Variants in DLG2 observed in about 807,000 individuals in gnomAD.
The protein encoded by DLG2 is discs large MAGUK scaffold protein 2, also known as disks large homolog 2.
A neutral mutation model predicts 132.5 loss-of-function variants in DLG2; 45 were observed. That is an observed-to-expected ratio of 0.34 (90% confidence interval 0.27 to 0.44). The LOEUF (loss-of-function observed/expected upper bound fraction) is 0.44. DLG2 is among the 20% of genes least tolerant of loss of function. The pLI is 1.00. For synonymous variants in DLG2, 424 were observed against 419.6 expected, an observed-to-expected ratio of 1.01 and a Z score of -0.13; for missense variants, 1,045 against 1,196.9, an observed-to-expected ratio of 0.87 and a Z score of 1.87.
chr11:84,587,897 A>G (rs1018362651), intron 6 of DLG2, among the ~76,000 whole-genome samples: 2 of 152,174 alleles, frequency 1.3e-5, no homozygotes, highest in East Asian at 3.8e-4. Flanking sequence ...CCACTACTTC[A>G]TGCCTCCTTA....
chr11:83,763,982 C>G (rs1198103279), intron 18 of DLG2, among the ~76,000 whole-genome samples: 1 of 152,154 alleles, frequency 6.6e-6, no homozygotes, highest in East Asian at 1.9e-4. Context: ...TAGACCAGTT[C>G]AAGATATTTC....
intron 18 of DLG2, among the ~76,000 whole-genome samples, chr11:83,654,648 GAAGGAT>G (rs1447071471): frequency 1.2e-4 from 18 of 152,310 alleles, no homozygotes; most frequent in Non-Finnish European, 1.5e-5. Flanking sequence ...ACACACTCTA[GAAGGAT>G]AGGAGACACA....
intron 6 of DLG2, among the ~76,000 whole-genome samples, chr11:84,637,017 A>G (rs2099641739): frequency 6.6e-6 from 1 of 151,562 alleles, no homozygotes; most frequent in South Asian, 2.1e-4. Flanking sequence ...TGAACTCCTG[A>G]CCTCAGATGA....
intron 4 of DLG2, among the ~76,000 whole-genome samples, chr11:85,215,486 G>T (rs756642727): frequency 1.3e-5 from 2 of 152,100 alleles, no homozygotes; most frequent in Non-Finnish European, 2.9e-5. Context: ...TGAGCTGAAA[G>T]CAATTGAGAA....
At chr11:84,696,443 T>C (rs1255854656) in intron 6 of DLG2, among the ~76,000 whole-genome samples, 1 of 151,532 alleles carries the variant, frequency 6.6e-6, no homozygotes, top group African/African-American at 2.4e-5. Context: ...CTCCAGAATG[T>C]AGTTTCTTGA....
At chr11:85,103,763 T>G (rs1227769324) in intron 6 of DLG2, among the ~76,000 whole-genome samples, 1 of 151,802 alleles carries the variant, frequency 6.6e-6, no homozygotes, top group East Asian at 1.9e-4. Flanking sequence ...TCAAATGCCA[T>G]TACCAAAAAG....
chr11:85,468,463 C>T (rs2092876514), intron 3 of DLG2, among the ~76,000 whole-genome samples: 1 of 152,134 alleles, frequency 6.6e-6, no homozygotes, highest in South Asian at 2.1e-4. Context: ...CTATAGATTT[C>T]CCTCTACACA....
intron 6 of DLG2, among the ~76,000 whole-genome samples, chr11:84,595,566 G>C (rs953698729): frequency 6.6e-6 from 1 of 151,948 alleles, no homozygotes; most frequent in African/African-American, 2.4e-5. Context: ...CAGTGGGAGA[G>C]TCTACAGACA....
intron 6 of DLG2, among the ~76,000 whole-genome samples, chr11:84,945,294 T>C (rs2050055753): frequency 1.3e-5 from 2 of 152,208 alleles, no homozygotes; most frequent in African/African-American, 4.8e-5. Flanking sequence ...CCAAGAACGC[T>C]GTGAGTCTTG....
rs75187306 is a variant in DLG2, at chr11:85,282,201, G to T, written c.186+3019C>A. Among the ~76,000 whole-genome samples the T allele has an allele frequency of 5.8e-4, 88 of 152,032 alleles. No homozygotes were observed. The East Asian group carries it at 0.017, about 29-fold the overall frequency. On this transcript the variant is annotated intron_variant, in intron 4 of 27. Transcript: ENST00000376104. ...GGAAAGTTGAATGATGGGTACAAGGGTCTGTGAAGGTAATGGGCAGGGGAG... is the reference window on the plus strand; with the variant it reads ...GGAAAGTTGAATGATGGGTACAAGGTTCTGTGAAGGTAATGGGCAGGGGAG...
rs59038372 is a variant in DLG2 at position 84,373,265 on chromosome 11, C to CA, written c.520-121975dup. The stretch of plus-strand genomic sequence containing the variant: ...AGAAACAGTCAAAAAAAAAAAAAAA[C>CA]AAAACAAAAAAAAAACCCACCAGGC... On this transcript the variant is annotated intron_variant, in intron 7 of 27. Coordinates refer to ENST00000376104, the MANE Select transcript of DLG2 (RefSeq NM_001142699.3). Among the ~76,000 whole-genome samples the CA allele has an allele frequency of 7.6e-3, 743 of 98,030 alleles. 35 individuals are homozygous for CA. The highest frequency in any genetic ancestry group is 0.027 in the African/African-American group (601 of 21,936). The allele number at this position is 98,030 out of a possible 152,430, so 64.3% of individuals were successfully genotyped here. A position where few individuals can be genotyped will look rare whatever the true frequency, so the allele number is the denominator to read the frequency against.
At position 83,456,136 on chromosome 11, in the gene DLG2, T is replaced by A. The variant is rs1403823830; in HGVS notation, c.*3682A>T. On this transcript the variant is annotated 3_prime_UTR_variant, in exon 28 of 28. Transcript: ENST00000376104. The stretch of plus-strand genomic sequence containing the variant: ...AGGAAGAGGTTTGCTATCAGAATAA[T>A]TGGGGCCAGAGTCTGCCTTTATTGA... 2 of 152,708 alleles carry A rather than the reference T, an allele frequency of 1.3e-5. No homozygotes were observed. The highest frequency in any genetic ancestry group is 2.9e-5 in the Non-Finnish European group (2 of 68,086). The allele number at this position is 152,708 out of a possible 1,614,324, so 9.5% of individuals were successfully genotyped here.
chr11:83,488,304 A>G (rs2093643352), intron 21 of DLG2, among the ~76,000 whole-genome samples: 2 of 151,938 alleles, frequency 1.3e-5, no homozygotes, highest in Admixed American at 1.3e-4. Flanking sequence ...AATACCTTTC[A>G]TGTTGTGACA....
chr11:83,965,475 G>C lies in DLG2; in HGVS notation c.1057-7C>G. ...CTAAACTGTAGTTGTTTACCTGAAA[G>C]GGTGAAAAAGATCAATATTAGAGTT... On this transcript the variant is annotated splice_polypyrimidine_tract_variant and splice_region_variant and intron_variant, in intron 12 of 27. Transcript: ENST00000376104. 6.3e-7 allele frequency: 1 copy of C among 1,596,854 alleles called. No homozygotes were observed. Among genetic ancestry groups the C allele is most frequent in the Non-Finnish European group, 8.5e-7 (1 of 1,171,864 alleles).
chr11:84,685,758 T>G (rs182756732), intron 6 of DLG2, among the ~76,000 whole-genome samples: 54 of 152,154 alleles, frequency 3.5e-4, no homozygotes, highest in African/African-American at 1.3e-3. Context: ...CAGGCTGGAG[T>G]GCAGTGGCGC....
intron 7 of DLG2, among the ~76,000 whole-genome samples, chr11:84,285,726 T>C (rs75527964): frequency 0.099 from 15,107 of 152,228 alleles, 858 homozygotes; most frequent in South Asian, 0.18. Flanking sequence ...CACGACATCC[T>C]GTTATAGCTT....
At chr11:83,679,356 C>A (rs7927393) in intron 18 of DLG2, among the ~76,000 whole-genome samples, 66,758 of 151,890 alleles carry the variant, frequency 0.44, 16,131 homozygotes, top group African/African-American at 0.65. Context: ...GGCTGGAATT[C>A]TGGCCTAGTT....
intron 7 of DLG2, among the ~76,000 whole-genome samples, chr11:84,431,639 T>C (rs2098985001): frequency 6.6e-6 from 1 of 152,136 alleles, no homozygotes; most frequent in Non-Finnish European, 1.5e-5. Context: ...ATATGATATA[T>C]CTCAGTGTTC....
intron 6 of DLG2, among the ~76,000 whole-genome samples, chr11:85,070,922 G>A (rs929363699): frequency 1.3e-5 from 2 of 151,868 alleles, no homozygotes; most frequent in Admixed American, 6.6e-5. Context: ...CTCAAAACCA[G>A]GTTGGAGAGG....
Sources: gnomAD v4.1 joint callset for allele counts (sites outside exome capture counted in the v4.1 genomes callset) on GRCh38, gnomAD v4.1.1 for gene constraint, MANE v1.5 for transcripts, NCBI Gene and HGNC (gene_info 2026-07-23, HGNC 2026-07-21) for gene names.